Variants in XRN2 observed in about 807,000 individuals in gnomAD.
The protein encoded by XRN2 is 5'-3' exoribonuclease 2.
In XRN2, 44 loss-of-function variants were observed where a neutral mutation model predicts 138.5. The ratio of observed to expected loss-of-function variants is 0.32; its 90% CI spans 0.25 to 0.41. XRN2 has a LOEUF of 0.41. XRN2 is among the 10% of genes least tolerant of loss of function. The pLI is 1.00. For missense variants in XRN2, 937 were observed against 1,169.3 expected (o/e 0.80, Z 2.90); for synonymous variants, 354 against 369.4 (o/e 0.96, Z 0.48).
chr20:21,348,460 G>GA, intron 19 of XRN2, 30 bp downstream of exon 19: 1 of 1,589,050 alleles, frequency 6.3e-7, no homozygotes, highest in Non-Finnish European at 8.6e-7. Context: ...GTGTGTGGGT[G>GA]ACAGGATTTT....
chr20:21,335,604 A>G (rs2038275983), intron 13 of XRN2, among the ~76,000 whole-genome samples: 2 of 152,352 alleles, frequency 1.3e-5, no homozygotes, highest in South Asian at 4.1e-4. Flanking sequence ...TAGAATTCAA[A>G]TTACAGAACT....
chr20:21,374,491 T>A (rs918603563), intron 27 of XRN2, among the ~76,000 whole-genome samples: 15 of 152,048 alleles, frequency 9.9e-5, no homozygotes, highest in Non-Finnish European at 2.1e-4. Context: ...CTGAGGAAGT[T>A]CTTCTATTCT....
intron 1 of XRN2, among the ~76,000 whole-genome samples, chr20:21,305,553 C>CTTT (rs1180206108): frequency 7.6e-4 from 15 of 19,840 alleles, no homozygotes; most frequent in East Asian, 4.7e-3. Context: ...CATACGTGGC[C>CTTT]TTTTTTTTTT....
intron 1 of XRN2, among the ~76,000 whole-genome samples, chr20:21,320,323 G>A (rs1362647661): frequency 5.0e-5 from 3 of 59,484 alleles, no homozygotes; most frequent in South Asian, 7.3e-4. Flanking sequence ...ATTTTGAGAC[G>A]GAGTCTTGCT....
chr20:21,328,062 A>T (rs2038152469), intron 3 of XRN2, among the ~76,000 whole-genome samples: 1 of 146,652 alleles, frequency 6.8e-6, no homozygotes, highest in Non-Finnish European at 1.5e-5. Context: ...GTGCACCGAG[A>T]TTCTTCACAT....
intron 4 of XRN2, 61 bp from the exon 5 acceptor site, chr20:21,330,420 A>C (rs1311816272): frequency 7.0e-6 from 11 of 1,570,478 alleles, no homozygotes; most frequent in Non-Finnish European, 7.8e-6. Context: ...GTTCTGGCTT[A>C]ATGTTGAGTA....
intron 28 of XRN2, among the ~76,000 whole-genome samples, chr20:21,386,650 G>A (rs2122375618): frequency 6.6e-6 from 1 of 152,322 alleles, no homozygotes; most frequent in South Asian, 2.1e-4. Flanking sequence ...TCTCAGTTGA[G>A]TTTAAACATC....
Position 21,332,443 on chromosome 20 carries a change from A to G in XRN2, c.858+3A>G, listed in dbSNP as rs1196215551. The stretch of plus-strand genomic sequence containing the variant: ...TGCCAAGAGAAAAGAAGGGAAAGGT[A>G]AGAACTTTGAGATGGTAGTTGCCTC... On this transcript the variant is annotated splice_donor_region_variant and intron_variant, in intron 9 of 29. Transcript: ENST00000377191. 7 of 1,597,668 alleles carry G rather than the reference A, an allele frequency of 4.4e-6. No individual in the cohort carries two copies. The highest frequency in any genetic ancestry group is 6.0e-6 in the Non-Finnish European group (7 of 1,173,434).
chr20:21,359,198 C>T (rs2038609115), intron 24 of XRN2, among the ~76,000 whole-genome samples: 1 of 152,040 alleles, frequency 6.6e-6, no homozygotes, highest in Admixed American at 6.6e-5. Flanking sequence ...CTAAAGGGGC[C>T]TTTGGTATTT....
At chr20:21,331,907 C>T in intron 8 of XRN2, 89 bp downstream of exon 8, 1 of 1,404,658 alleles carries the variant, frequency 7.1e-7, no homozygotes. Flanking sequence ...TTCATGGTTA[C>T]CTGGAAGTTC....
chr20:21,345,961 T>C (rs373438716), intron 16 of XRN2, among the ~76,000 whole-genome samples: 1 of 152,336 alleles, frequency 6.6e-6, no homozygotes, highest in East Asian at 1.9e-4. Flanking sequence ...TTTAAAAAAG[T>C]TACCTGTGTG....
At chr20:21,366,344 A>G (rs1046979543) in intron 26 of XRN2, among the ~76,000 whole-genome samples, 2 of 149,056 alleles carry the variant, frequency 1.3e-5, no homozygotes, top group African/African-American at 4.9e-5. Flanking sequence ...TCAGGAGATC[A>G]AGACCATCCT....
chr20:21,313,343 G>GA (rs1279994147), intron 1 of XRN2, among the ~76,000 whole-genome samples: 4 of 152,186 alleles, frequency 2.6e-5, no homozygotes, highest in African/African-American at 9.7e-5. Context: ...TGCCAGCTGG[G>GA]AATGTGTATG....
At chr20:21,364,749 T>C (rs2122304152) in intron 24 of XRN2, among the ~76,000 whole-genome samples, 1 of 149,534 alleles carries the variant, frequency 6.7e-6, no homozygotes, top group East Asian at 2.0e-4. Context: ...GAGACTGCAA[T>C]GAGCTGTGAG....
chr20:21,373,940 A>G (rs1305316701), intron 27 of XRN2, among the ~76,000 whole-genome samples: 1 of 152,180 alleles, frequency 6.6e-6, no homozygotes, highest in African/African-American at 2.4e-5. Context: ...TTGCTGTCAT[A>G]TGATGAACAG....
Position 21,344,110 on chromosome 20 carries a change from T to C in XRN2, c.1431T>C (p.Asn477=). The C allele has an allele frequency of 6.2e-7, 1 of 1,612,984 alleles. No individual in the cohort carries two copies. The highest frequency in any genetic ancestry group is 8.5e-7 in the Non-Finnish European group (1 of 1,179,072). ...QNNSSPSISP[N]TSFTSDGSPS... ...TGCAGAGTCCTTCGATATCTCCTAA[T>C]ACGAGTTTCACATCTGATGGCTCCC... is the stretch of plus-strand genomic sequence containing the variant. The change falls in exon 16 of 30, where the codon AAT becomes AAC. Residue 477 remains asparagine, a synonymous_variant. Coordinates refer to ENST00000377191, the MANE Select transcript of XRN2 (RefSeq NM_012255.5).
At chr20:21,304,402 C>A (rs888884380) in intron 1 of XRN2, among the ~76,000 whole-genome samples, 1 of 151,068 alleles carries the variant, frequency 6.6e-6, no homozygotes, top group African/African-American at 2.4e-5. Context: ...AACCAAAAGC[C>A]TTGTCTTAGT....
chr20:21,377,560 TG>T (rs2038839513), intron 27 of XRN2, among the ~76,000 whole-genome samples: 1 of 1,698 alleles, frequency 5.9e-4, no homozygotes, highest in Non-Finnish European at 1.5e-3. Flanking sequence ...GTCCGGCCTG[TG>T]TTTTTTTTTT....
rs532350951 is a variant in XRN2, at chr20:21,355,002, T to G, written c.2020+130T>G. Reference sequence around the variant, plus strand: ...GGGGATATAAATCATTGATTTTATTTTCTTATTACAGACGTTGACTTTGCT... The same window carrying G: ...GGGGATATAAATCATTGATTTTATTGTCTTATTACAGACGTTGACTTTGCT... On this transcript the variant is annotated intron_variant, in intron 21 of 29. Transcript: ENST00000377191. 9.2e-6 allele frequency: 6 copies of G among 650,538 alleles called. No individual in the cohort carries two copies. In the South Asian group the frequency reaches 2.8e-4, roughly 30 times the overall value. 40.3% of individuals were successfully genotyped at this position (650,538 alleles called of 1,614,324 possible). A position where few individuals can be genotyped will look rare whatever the true frequency, so the allele number is the denominator to read the frequency against.
Sources: allele counts gnomAD v4.1 joint callset (sites outside exome capture counted in the v4.1 genomes callset), GRCh38; gene constraint gnomAD v4.1.1; transcripts MANE v1.5; gene names NCBI Gene and HGNC (gene_info 2026-07-23, HGNC 2026-07-21).